Variants in TFE3 observed in about 807,000 individuals in gnomAD.
TFE3 encodes transcription factor E3.
Under a neutral mutation model 35.0 loss-of-function variants are expected in TFE3, and 5 were observed. That is an observed-to-expected ratio of 0.14 (90% CI 0.07 to 0.30). The LOEUF is 0.30. Ranked by LOEUF, TFE3 falls within the 10% of genes least tolerant of loss-of-function variation. The pLI, the probability that TFE3 is intolerant of heterozygous loss-of-function variation, is 1.00. For missense variants in TFE3, 374 were observed against 496.6 expected (o/e 0.75, Z 2.35); for synonymous variants, 211 against 215.6 (o/e 0.98, Z 0.18).
At chrX:49,033,868 A>G in intron 6 of TFE3, 86 bp from the exon 7 acceptor site, 1 of 1,035,192 alleles carries the variant, frequency 9.7e-7, no homozygotes, top group Non-Finnish European at 1.3e-6. Context: ...TGGTAGCCAA[A>G]AGCAGGGGAA....
At chrX:49,032,267 C>T (rs781901001) in intron 8 of TFE3, among the ~76,000 whole-genome samples, 2 of 111,298 alleles carry the variant, frequency 1.8e-5, no homozygotes, top group Admixed American at 1.9e-4. Context: ...TGGAGTCTCG[C>T]TCTGTCACCC....
rs201049883 is a variant in TFE3, at chrX:49,030,213, G to A, written c.1673C>T (p.Ala558Val). The A allele has an allele frequency of 1.9e-4, 225 of 1,206,782 alleles. No homozygotes were observed. In the Middle Eastern group the frequency reaches 2.1e-3, roughly 11 times the overall value. ...SDPLLSSVSPAVSKASSRRSS... is the reference protein window; with the variant it reads ...SDPLLSSVSPVVSKASSRRSS... Reference sequence around the variant, plus strand: ...GCGGCGGCTGCTGGCCTTGGAGACAGCAGGGGACACTGAAGAGAGCAGGGG... The same window carrying A: ...GCGGCGGCTGCTGGCCTTGGAGACAACAGGGGACACTGAAGAGAGCAGGGG... The change falls in exon 10 of 10, where the codon GCT (alanine) becomes GTT (valine). Residue 558 changes from alanine (A) to valine (V), a missense_variant. Transcript: ENST00000315869.
chrX:49,029,232 T>C lies in TFE3; in HGVS notation c.*926A>G, dbSNP rs2064684145. 1 of 178,157 alleles carries C rather than the reference T, an allele frequency of 5.6e-6. No homozygotes were observed. The highest frequency in any genetic ancestry group is 7.2e-5 in the Admixed American group (1 of 13,905). The allele number at this position is 178,157 out of a possible 1,213,427, so 14.7% of individuals were successfully genotyped here. Reference sequence around the variant, plus strand: ...CCCCTCAAGGAAGAAGGCAGGACTCTGCCCAAGGGTGGGGGCCTCTCACTC... The same window carrying C: ...CCCCTCAAGGAAGAAGGCAGGACTCCGCCCAAGGGTGGGGGCCTCTCACTC... On this transcript the variant is annotated 3_prime_UTR_variant, in exon 10 of 10. Coordinates refer to ENST00000315869, the MANE Select transcript of TFE3 (RefSeq NM_006521.6).
Position 49,040,514 on chromosome X carries a change from G to A in TFE3, c.171C>T (p.Asn57=), listed in dbSNP as rs1352515707. Reference sequence around the variant, plus strand: ...CGTAGAAGCTGTCAGGATCAAGGACGTTTTCTAATTCTATGTCAGCAACAA... The same window carrying A: ...CGTAGAAGCTGTCAGGATCAAGGACATTTTCTAATTCTATGTCAGCAACAA... ...SGIVADIELE[N]VLDPDSFYEL... The change falls in exon 2 of 10, where the codon AAC becomes AAT. Residue 57 remains asparagine, a synonymous_variant. Coordinates refer to ENST00000315869, the MANE Select transcript of TFE3 (RefSeq NM_006521.6). The A allele has an allele frequency of 2.5e-6, 3 of 1,211,177 alleles. No individual in the cohort carries two copies. Among genetic ancestry groups the A allele is most frequent in the Admixed American group, 4.4e-5 (2 of 45,932 alleles).
chrX:49,036,006 C>T (rs1325733342), intron 5 of TFE3, among the ~76,000 whole-genome samples: 2 of 108,331 alleles, frequency 1.8e-5, no homozygotes, highest in African/African-American at 3.4e-5. Flanking sequence ...CCTGTCTCTA[C>T]TAAAAATGCA....
intron 5 of TFE3, among the ~76,000 whole-genome samples, chrX:49,036,286 A>G (rs2064728849): frequency 9.3e-6 from 1 of 107,141 alleles, no homozygotes; most frequent in Admixed American, 1.0e-4. Context: ...TGACCAACAT[A>G]GTGAAACCCC....
intron 9 of TFE3, 103 bp downstream of exon 9, chrX:49,031,294 C>T (rs1025896783): frequency 2.0e-6 from 2 of 979,240 alleles, no homozygotes; most frequent in African/African-American, 2.0e-5. Context: ...CCCAGGGATC[C>T]CCCAAGTATG....
chrX:49,030,163 A>T lies in TFE3; in HGVS notation c.1723T>A (p.Ser575Thr), dbSNP rs781993470. Residue 575 changes from serine (S) to threonine (T), a missense_variant, in exon 10 of 10, where the codon TCC becomes ACC. By Grantham distance (58) the Ser-to-Thr change is moderately conservative. Around this residue, in one of 3 missense-constraint regions of TFE3, gnomAD observed 117 missense variants for 111.9 expected, o/e 1.05. Coordinates refer to ENST00000315869, the MANE Select transcript of TFE3 (RefSeq NM_006521.6). ...AGGGGAGGGGTGAGGCCTGATCAGGACTCCTCTTCCATGCTGAAGCTGCTG... is the reference window on the plus strand; with the variant it reads ...AGGGGAGGGGTGAGGCCTGATCAGGTCTCCTCTTCCATGCTGAAGCTGCTG... ...RRSSFSMEEE[S>T] is the part of the protein sequence containing the mutation. 1 of 1,204,789 alleles carries T rather than the reference A, an allele frequency of 8.3e-7. No homozygotes were observed. Among genetic ancestry groups the T allele is most frequent in the Non-Finnish European group, 1.1e-6 (1 of 892,187 alleles).
intron 5 of TFE3, among the ~76,000 whole-genome samples, chrX:49,035,052 T>C (rs1178853943): frequency 9.1e-6 from 1 of 110,323 alleles, no homozygotes; most frequent in Non-Finnish European, 1.9e-5. Context: ...GGCTCACGCC[T>C]GTAATCCCAG....
Position 49,038,266 on chromosome X carries a change from G to A in TFE3, c.711C>T (p.Thr237=), listed in dbSNP as rs782444177. ...TGTTGGGCGCACTGCCTGTGGGGCC[G>A]GTAGTGTGGGCAGCCTCAGGGGCAG... ...PLPAPEAAHT[T]GPTGSAPNSP... Residue 237 remains threonine (T), a synonymous_variant, in exon 4 of 10, where the codon ACC becomes ACT. Transcript: ENST00000315869. 1.4e-5 allele frequency: 17 copies of A among 1,206,697 alleles called. No homozygotes were observed. The highest frequency in any genetic ancestry group is 4.7e-4 in the Middle Eastern group (2 of 4,213).
In TFE3 at chrX:49,039,159, C is replaced by T. The variant is rs1557075275; in HGVS notation, c.482G>A (p.Gly161Asp). ...AGGGGGTGGACGGCTCAATGTGTGG[C>T]CCCCAGCAGAGACGCCAACCACAGA... Reference protein sequence around the residue: ...AISVVGVSAGGHTLSRPPPAQ... With the variant: ...AISVVGVSAGDHTLSRPPPAQ... The change falls in exon 3 of 10, where the codon GGC becomes GAC. Residue 161 changes from glycine (G) to aspartate (D), a missense_variant. Transcript: ENST00000315869. The T allele has an allele frequency of 8.4e-7, 1 of 1,196,863 alleles. No homozygotes were observed. The highest frequency in any genetic ancestry group is 1.1e-6 in the Non-Finnish European group (1 of 887,037).
chrX:49,031,466 G>A lies in TFE3; in HGVS notation c.1215C>T (p.Arg405=). 8.3e-7 allele frequency: 1 copy of A among 1,204,301 alleles called. No individual in the cohort carries two copies. Among genetic ancestry groups the A allele is most frequent in the East Asian group, 3.0e-5 (1 of 33,461 alleles). ...YIRKLQKEQQ[R]SKDLESRQRS... Reference sequence around the variant, plus strand: ...GCTGCCGGCTCTCCAGGTCTTTGGAGCGCTGCTGCTCCTTCTGCAGCTTGC... The same window carrying A: ...GCTGCCGGCTCTCCAGGTCTTTGGAACGCTGCTGCTCCTTCTGCAGCTTGC... Residue 405 remains arginine, a synonymous_variant, in exon 9 of 10, where the codon CGC becomes CGT. Transcript: ENST00000315869.
intron 5 of TFE3, among the ~76,000 whole-genome samples, chrX:49,034,994 C>G (rs1412337395): frequency 9.2e-6 from 1 of 109,004 alleles, no homozygotes; most frequent in Non-Finnish European, 1.9e-5. Context: ...CCTGGATATA[C>G]TCCAGAGGAG....
At chrX:49,036,193 C>T (rs1335176935) in intron 5 of TFE3, among the ~76,000 whole-genome samples, 1 of 106,594 alleles carries the variant, frequency 9.4e-6, no homozygotes, top group African/African-American at 3.4e-5. Context: ...ATAGGCCGGG[C>T]GCGGTGGCTC....
Position 49,030,439 on chromosome X carries a change from G to A in TFE3, c.1447C>T (p.Pro483Ser), listed in dbSNP as rs374474638. ...GAATFHVGGGPAQNAPHQQPP... is the reference protein window; with the variant it reads ...GAATFHVGGGSAQNAPHQQPP... ...TGCTGATGGGGAGCATTCTGGGCAG[G>A]TCCCCCCCCTACATGGAACGTTGCT... The change falls in exon 10 of 10, where the codon CCT (proline) becomes TCT (serine). Residue 483 changes from proline to serine, a missense_variant. By Grantham distance (74) the Pro-to-Ser change is moderately conservative (BLOSUM62 -1). Coordinates refer to ENST00000315869, the MANE Select transcript of TFE3 (RefSeq NM_006521.6). The A allele has an allele frequency of 1.7e-6, 2 of 1,211,333 alleles. No individual in the cohort carries two copies. Among genetic ancestry groups the A allele is most frequent in the East Asian group, 3.0e-5 (1 of 33,808 alleles).
chrX:49,035,209 C>G (rs2064721400), intron 5 of TFE3, among the ~76,000 whole-genome samples: 1 of 105,952 alleles, frequency 9.4e-6, no homozygotes, highest in Non-Finnish European at 1.9e-5. Flanking sequence ...GTAGTCCCAG[C>G]TACTTGAGAG....
At chrX:49,038,519 C>T (rs971833766) in intron 3 of TFE3, 77 bp from the exon 4 acceptor site, 36 of 1,112,276 alleles carry the variant, frequency 3.2e-5, no homozygotes, top group Non-Finnish European at 3.7e-5. Context: ...TGAGCCCCAG[C>T]CTGACCCTCC....
intron 3 of TFE3, among the ~76,000 whole-genome samples, chrX:49,038,754 G>A (rs782297479): frequency 2.7e-5 from 3 of 109,466 alleles, no homozygotes; most frequent in Non-Finnish European, 5.7e-5. Flanking sequence ...TAATAGACCT[G>A]GGAACCATAC....
intron 5 of TFE3, among the ~76,000 whole-genome samples, chrX:49,035,968 G>A (rs782330295): frequency 9.1e-6 from 1 of 109,337 alleles, no homozygotes; most frequent in African/African-American, 3.3e-5. Flanking sequence ...TCAGGAGTTC[G>A]AGACCAGCCT....
Sources: allele counts gnomAD v4.1 joint callset (sites outside exome capture counted in the v4.1 genomes callset), GRCh38; gene constraint gnomAD v4.1.1; regional missense constraint gnomAD v4.1.1; transcripts MANE v1.5; gene names NCBI Gene and HGNC (gene_info 2026-07-23, HGNC 2026-07-21).